Variants in NEDD4L observed in about 807,000 individuals in gnomAD.
NEDD4L encodes the protein NEDD4 like E3 ubiquitin protein ligase.
A neutral mutation model predicts 148.9 loss-of-function variants in NEDD4L; 54 were observed. That is an observed-to-expected ratio of 0.36 (90% CI 0.29 to 0.45). The LOEUF (loss-of-function observed/expected upper bound fraction) is 0.45. Ranked by LOEUF, NEDD4L falls within the 20% of genes least tolerant of loss-of-function variation. NEDD4L has a pLI of 1.00. For synonymous variants in NEDD4L, 433 were observed against 440.7 expected (o/e 0.98, Z 0.22); for missense variants, 856 against 1,233.8 (o/e 0.69, Z 4.59).
rs1011936966 is a variant in NEDD4L, at chr18:58,396,410, G to A, written c.*141G>A. Reference sequence around the variant, plus strand: ...GGAGCCGAGCCTTCACCACGCACTCGTCCAAGTTCGGATGCGGGAACCTGG... The same window carrying A: ...GGAGCCGAGCCTTCACCACGCACTCATCCAAGTTCGGATGCGGGAACCTGG... On this transcript the variant is annotated 3_prime_UTR_variant, in exon 31 of 31. Transcript: ENST00000400345. 8.6e-6 allele frequency: 5 copies of A among 581,524 alleles called. No homozygotes were observed. Among genetic ancestry groups the A allele is most frequent in the Admixed American group, 2.9e-5 (1 of 34,212 alleles). 36.0% of individuals were successfully genotyped at this position (581,524 alleles called of 1,614,324 possible).
chr18:58,338,929 C>T (rs1312676034), intron 13 of NEDD4L, among the ~76,000 whole-genome samples: 5 of 152,118 alleles, frequency 3.3e-5, no homozygotes, highest in Non-Finnish European at 5.9e-5. Context: ...AAGGAAAAAA[C>T]AAAGTAACCT....
intron 25 of NEDD4L, among the ~76,000 whole-genome samples, chr18:58,383,791 G>A (rs1187146971): frequency 1.3e-5 from 2 of 152,186 alleles, no homozygotes; most frequent in South Asian, 4.1e-4. Flanking sequence ...AATTCTTTCT[G>A]GTATTTGTAA....
chr18:58,339,124 G>A (rs2042127482), intron 13 of NEDD4L, among the ~76,000 whole-genome samples: 1 of 151,996 alleles, frequency 6.6e-6, no homozygotes, highest in Non-Finnish European at 1.5e-5. Flanking sequence ...GGGGCCAGGG[G>A]GAGTGGGGAG....
At chr18:58,223,337 T>C (rs550471895) in intron 2 of NEDD4L, among the ~76,000 whole-genome samples, 4 of 152,318 alleles carry the variant, frequency 2.6e-5, no homozygotes, top group Admixed American at 2.6e-4. Flanking sequence ...CTGTGGAATA[T>C]AATGAAAAGA....
chr18:58,317,616 G>A (rs773585696), intron 6 of NEDD4L, among the ~76,000 whole-genome samples: 2 of 152,208 alleles, frequency 1.3e-5, no homozygotes, highest in Non-Finnish European at 2.9e-5. Context: ...TTGAAAGGTT[G>A]AGTAGGGCTC....
Position 58,351,025 on chromosome 18 carries a change from G to A in NEDD4L, c.1688G>A (p.Arg563Gln), listed in dbSNP as rs767730323. 1.0e-5 allele frequency: 16 copies of A among 1,594,508 alleles called. No individual in the cohort carries two copies. The highest frequency in any genetic ancestry group is 2.3e-5 in the South Asian group (2 of 87,286). Residue 563 changes from arginine to glutamine, a missense_variant, in exon 18 of 31, where the codon CGA becomes CAA. Around this residue, in one of 4 missense-constraint regions of NEDD4L, gnomAD observed 286 missense variants for 531.8 expected, o/e 0.54. Coordinates refer to ENST00000400345, the MANE Select transcript of NEDD4L (RefSeq NM_001144967.3). ...GAAGAAAGAATTCACTTGGATGGCCGAACGTTTTATATTGATCATAGTAAG... is the reference window on the plus strand; with the variant it reads ...GAAGAAAGAATTCACTTGGATGGCCAAACGTTTTATATTGATCATAGTAAG... ...GWEERIHLDGRTFYIDHNSKI... is the reference protein window; with the variant it reads ...GWEERIHLDGQTFYIDHNSKI...
rs71173041 is a variant in NEDD4L, at chr18:58,263,660, C to CTTTT, written c.297+11621_297+11624dup. ...GTGATAATAAATCCTACTTCTTAGG[C>CTTTT]TTTTTTTTTTTTTTTTTTCTCTCTC... On this transcript the variant is annotated intron_variant, in intron 5 of 30. Coordinates refer to ENST00000400345, the MANE Select transcript of NEDD4L (RefSeq NM_001144967.3). 5.9e-3 allele frequency among the ~76,000 whole-genome samples: 605 copies of CTTTT among 103,386 alleles called. 4 individuals are homozygous for CTTTT. The highest frequency in any genetic ancestry group is 0.011 in the Middle Eastern group (2 of 188). 67.8% of individuals were successfully genotyped at this position (103,386 alleles called of 152,430 possible). A position where few individuals can be genotyped will look rare whatever the true frequency, so the allele number is the denominator to read the frequency against.
At chr18:58,281,603 T>C (rs2053103820) in intron 5 of NEDD4L, among the ~76,000 whole-genome samples, 1 of 152,098 alleles carries the variant, frequency 6.6e-6, no homozygotes, top group Admixed American at 6.5e-5. Flanking sequence ...GAGCACGGTA[T>C]TACAAATGAG....
intron 5 of NEDD4L, among the ~76,000 whole-genome samples, chr18:58,307,905 T>C (rs796388835): frequency 6.6e-6 from 1 of 152,208 alleles, no homozygotes; most frequent in African/African-American, 2.4e-5. Context: ...GAAAAAAATA[T>C]AGGATCTAGA....
chr18:58,260,099 G>A (rs759975433), intron 5 of NEDD4L, among the ~76,000 whole-genome samples: 4 of 152,134 alleles, frequency 2.6e-5, no homozygotes, highest in African/African-American at 4.8e-5. Context: ...AGGATTGCTT[G>A]AGCCCAGTAG....
intron 19 of NEDD4L, among the ~76,000 whole-genome samples, chr18:58,358,009 C>T (rs557195858): frequency 1.1e-4 from 16 of 152,280 alleles, no homozygotes; most frequent in African/African-American, 3.6e-4. Context: ...AGGAGTTGTA[C>T]TGCGATCAGC....
At chr18:58,340,302 T>TA (rs1307073159) in intron 13 of NEDD4L, among the ~76,000 whole-genome samples, 14 of 152,330 alleles carry the variant, frequency 9.2e-5, no homozygotes, top group African/African-American at 3.1e-4. Flanking sequence ...ACTGTCTAAA[T>TA]ACAGTCACTC....
At chr18:58,195,755 G>C (rs751265619) in intron 2 of NEDD4L, 13 of 1,323,836 alleles carry the variant, frequency 9.8e-6, no homozygotes, top group Non-Finnish European at 1.3e-5. Flanking sequence ...CGAAGGTTCC[G>C]TTCCCTTTAT....
intron 1 of NEDD4L, among the ~76,000 whole-genome samples, chr18:58,117,545 A>G (rs2085928570): frequency 6.6e-6 from 1 of 152,214 alleles, no homozygotes; most frequent in Admixed American, 6.5e-5. Context: ...TCATCGCTTC[A>G]CAGTTGTCTT....
chr18:58,185,010 G>T (rs545601366), intron 2 of NEDD4L, among the ~76,000 whole-genome samples: 12 of 152,326 alleles, frequency 7.9e-5, no homozygotes, highest in Admixed American at 7.2e-4. Flanking sequence ...CCCTGCGAGG[G>T]AGGGTGAATT....
At chr18:58,053,560 C>T (rs9989621) in intron 1 of NEDD4L, among the ~76,000 whole-genome samples, 14,492 of 152,176 alleles carry the variant, frequency 0.095, 1,020 homozygotes, top group African/African-American at 0.2. Context: ...CCACCTGCCT[C>T]GGCCTCCCAA....
In NEDD4L at chr18:58,335,525, T is replaced by C. The variant is rs2041628543; in HGVS notation, c.1113T>C (p.Gly371=). The C allele has an allele frequency of 6.2e-7, 1 of 1,613,220 alleles. No homozygotes were observed. Among genetic ancestry groups the C allele is most frequent in the Non-Finnish European group, 8.5e-7 (1 of 1,179,366 alleles). ...CGCGTTCATCAACTGTCACGGGTGG[T>C]GAGGAACCAACGGTAATGATCCACT... is the stretch of plus-strand genomic sequence containing the variant. ...GRARSSTVTG[G]EEPTPSVAYV... Residue 371 remains glycine, a synonymous_variant, in exon 13 of 31, where the codon GGT becomes GGC. Transcript: ENST00000400345.
intron 1 of NEDD4L, among the ~76,000 whole-genome samples, chr18:58,055,985 T>G (rs2144589780): frequency 6.6e-6 from 1 of 152,340 alleles, no homozygotes; most frequent in Admixed American, 6.5e-5. Context: ...GATATCAAAG[T>G]GATAGCTATG....
chr18:58,112,869 T>C (rs1409512784), intron 1 of NEDD4L, among the ~76,000 whole-genome samples: 1 of 152,168 alleles, frequency 6.6e-6, no homozygotes, highest in Non-Finnish European at 1.5e-5. Flanking sequence ...TAAACCCCAA[T>C]GGGATGGTAT....
Sources: gnomAD v4.1 joint callset for allele counts (sites outside exome capture counted in the v4.1 genomes callset) on GRCh38, gnomAD v4.1.1 for gene constraint, gnomAD v4.1.1 regional missense constraint, MANE v1.5 for transcripts, NCBI Gene and HGNC (gene_info 2026-07-23, HGNC 2026-07-21) for gene names.